The following ZFHX3 variants were observed in gnomAD, a reference collection of about 807,000 sequenced individuals.
ZFHX3 encodes zinc finger homeobox 3, also known as zinc finger homeobox protein 3.
ZFHX3 carries 42 observed loss-of-function variants against 279.1 expected under a neutral mutation model. The ratio of observed to expected loss-of-function variants is 0.15; its 90% CI spans 0.12 to 0.19. ZFHX3 has a LOEUF of 0.19. ZFHX3 is among the 10% of genes least tolerant of loss of function. ZFHX3 has a pLI of 1.00. For synonymous variants in ZFHX3, 2,293 were observed against 1,957.8 expected, an observed-to-expected ratio of 1.17 and a Z score of -4.52; for missense variants, 4,981 against 4,754.0, an observed-to-expected ratio of 1.05 and a Z score of -1.40.
chr16:73,756,800 T>A (rs1024312158), intron 1 of ZFHX3, among the ~76,000 whole-genome samples: 4 of 150,598 alleles, frequency 2.7e-5, no homozygotes, highest in African/African-American at 9.8e-5. Context: ...AAGCCCCTAT[T>A]GTGTGTATTA....
chr16:73,373,887 C>A (rs1239550672), intron 3 of ZFHX3, among the ~76,000 whole-genome samples: 1 of 152,322 alleles, frequency 6.6e-6, no homozygotes, highest in Non-Finnish European at 1.5e-5. Context: ...AAATCACTTA[C>A]AAAGCTATTG....
intron 5 of ZFHX3, among the ~76,000 whole-genome samples, chr16:73,251,155 T>C (rs1215865650): frequency 6.6e-6 from 1 of 152,190 alleles, no homozygotes; most frequent in Non-Finnish European, 1.5e-5. Context: ...TAATGTAGAC[T>C]CTTGGTTTCA....
intron 3 of ZFHX3, among the ~76,000 whole-genome samples, chr16:73,427,694 G>T (rs1280468722): frequency 1.3e-5 from 2 of 152,100 alleles, no homozygotes; most frequent in Non-Finnish European, 2.9e-5. Flanking sequence ...CTAGCACTTT[G>T]GGAGGCCGCC....
At chr16:73,399,593 G>C (rs551855424) in intron 3 of ZFHX3, among the ~76,000 whole-genome samples, 2 of 152,152 alleles carry the variant, frequency 1.3e-5, no homozygotes, top group Non-Finnish European at 2.9e-5. Context: ...CAGGAGTATT[G>C]ACATGCTACG....
chr16:73,258,338 C>CACAT (rs1555506644), intron 4 of ZFHX3, among the ~76,000 whole-genome samples: 1 of 124,920 alleles, frequency 8.0e-6, no homozygotes, highest in Non-Finnish European at 1.7e-5. Context: ...TTTGCTATGA[C>CACAT]ATATATATAT....
intron 1 of ZFHX3, among the ~76,000 whole-genome samples, chr16:73,694,611 G>A (rs2053178668): frequency 6.6e-6 from 1 of 152,052 alleles, no homozygotes; most frequent in Admixed American, 6.5e-5. Flanking sequence ...CAAAGTGCTG[G>A]GATTACAGGC....
intron 5 of ZFHX3, among the ~76,000 whole-genome samples, chr16:73,153,401 AG>A (rs1175055765): frequency 6.6e-6 from 1 of 152,092 alleles, no homozygotes; most frequent in African/African-American, 2.4e-5. Context: ...CTGGGATTAC[AG>A]CCACACCTAG....
intron 7 of ZFHX3, among the ~76,000 whole-genome samples, chr16:73,115,670 A>T (rs1016367719): frequency 2.0e-5 from 3 of 152,196 alleles, no homozygotes; most frequent in Non-Finnish European, 4.4e-5. Context: ...GTAGGGCTAG[A>T]TGCTTTACGT....
chr16:72,866,996 A>G (rs1022548536), intron 4 of ZFHX3, among the ~76,000 whole-genome samples: 2 of 152,198 alleles, frequency 1.3e-5, no homozygotes, highest in Admixed American at 1.3e-4. Context: ...TCTTGCCTGT[A>G]TTGCTTTTCT....
At chr16:72,955,126 T>C (rs1961190430) in intron 2 of ZFHX3, among the ~76,000 whole-genome samples, 1 of 152,164 alleles carries the variant, frequency 6.6e-6, no homozygotes, top group African/African-American at 2.4e-5. Flanking sequence ...CACTCGAGCT[T>C]CTGGCATAAA....
At chr16:72,981,064 A>T (rs1432782485) in intron 1 of ZFHX3, among the ~76,000 whole-genome samples, 1 of 152,180 alleles carries the variant, frequency 6.6e-6, no homozygotes, top group Non-Finnish European at 1.5e-5. Context: ...TGGCAAGCCA[A>T]GCCTTTTTTC....
chr16:73,817,080 T>C (rs935147089), intron 1 of ZFHX3, among the ~76,000 whole-genome samples: 2 of 152,006 alleles, frequency 1.3e-5, no homozygotes, highest in Non-Finnish European at 2.9e-5. Flanking sequence ...GGGATGGCGA[T>C]GAGGAAGGAG....
intron 2 of ZFHX3, among the ~76,000 whole-genome samples, chr16:73,464,049 C>A (rs780286340): frequency 6.6e-6 from 1 of 152,090 alleles, no homozygotes; most frequent in Non-Finnish European, 1.5e-5. Context: ...CAGATCCATT[C>A]CATTTTGAGT....
At chr16:73,791,265 C>A (rs1377369308) in intron 1 of ZFHX3, among the ~76,000 whole-genome samples, 2 of 148,358 alleles carry the variant, frequency 1.3e-5, no homozygotes, top group African/African-American at 2.5e-5. Flanking sequence ...GTGCCCAGCC[C>A]CAACTTCTCT....
At chr16:73,527,111 T>C (rs992475010) in intron 2 of ZFHX3, among the ~76,000 whole-genome samples, 2 of 152,082 alleles carry the variant, frequency 1.3e-5, no homozygotes, top group Admixed American at 1.3e-4. Context: ...GGAAAAGCAA[T>C]CTTGCCATCT....
chr16:72,909,265 G>A (rs2039259798), intron 3 of ZFHX3, among the ~76,000 whole-genome samples: 1 of 152,098 alleles, frequency 6.6e-6, no homozygotes, highest in Non-Finnish European at 1.5e-5. Flanking sequence ...TATTCAGAGG[G>A]TAAAAAAGCT....
At chr16:73,546,997 GTAA>G (rs1259108441) in intron 2 of ZFHX3, among the ~76,000 whole-genome samples, 1 of 151,970 alleles carries the variant, frequency 6.6e-6, no homozygotes, top group Middle Eastern at 3.4e-3. Context: ...ACCACATTTT[GTAA>G]TAATAACATA....
chr16:73,108,946 C>T (rs867237211), intron 7 of ZFHX3, among the ~76,000 whole-genome samples: 1 of 152,160 alleles, frequency 6.6e-6, no homozygotes, highest in African/African-American at 2.4e-5. Flanking sequence ...CGTTTGCCAG[C>T]GATTTGGTGG....
chr16:72,806,729 T>C (rs1170493993), intron 7 of ZFHX3, among the ~76,000 whole-genome samples: 2 of 151,996 alleles, frequency 1.3e-5, no homozygotes, highest in Non-Finnish European at 2.9e-5. Context: ...TTACAAACTA[T>C]TGGTCTCAAA....
Sources: allele counts gnomAD v4.1 joint callset (sites outside exome capture counted in the v4.1 genomes callset), GRCh38; gene constraint gnomAD v4.1.1; transcripts MANE v1.5; gene names NCBI Gene and HGNC (gene_info 2026-07-23, HGNC 2026-07-21).